MIS18A: variants seen among roughly 807,000 people sequenced by gnomAD.
MIS18A encodes the protein MIS18 kinetochore protein A, also known as protein Mis18-alpha.
MIS18A carries 14 observed loss-of-function variants against 25.0 expected under a neutral mutation model. The ratio of observed to expected loss-of-function variants is 0.56; its 90% CI spans 0.37 to 0.88. The LOEUF (loss-of-function observed/expected upper bound fraction) is 0.88, where lower values mean the gene tolerates loss of function less well. MIS18A is among the 40% of genes least tolerant of loss of function. MIS18A has a pLI of 0.00. For missense variants in MIS18A, 292 were observed against 290.8 expected (o/e 1.00, Z -0.03); for synonymous variants, 134 against 118.6 (o/e 1.13, Z -0.84).
the MIS18A span, among the ~76,000 whole-genome samples, chr21:32,190,784 T>G: frequency 6.6e-6 from 1 of 152,146 alleles, no homozygotes; most frequent in Non-Finnish European, 1.5e-5. Flanking sequence ...GAGAATAGTT[T>G]TCAGTAATCT....
At chr21:32,253,920 A>G in the MIS18A span, among the ~76,000 whole-genome samples, 3 of 151,672 alleles carry the variant, frequency 2.0e-5, no homozygotes, top group African/African-American at 7.3e-5. Context: ...CAGCATTTTG[A>G]AAAAAAAATC....
chr21:32,183,528 C>G, the MIS18A span, among the ~76,000 whole-genome samples: 1,028 of 152,324 alleles, frequency 6.7e-3, 8 homozygotes, highest in Middle Eastern at 0.034. Context: ...GTCCTCTCAT[C>G]TGAGTGAGAA....
chr21:32,242,019 C>G, the MIS18A span, among the ~76,000 whole-genome samples: 1 of 152,230 alleles, frequency 6.6e-6, no homozygotes, highest in Non-Finnish European at 1.5e-5. Flanking sequence ...GCTGGGACTA[C>G]AGGCGCCCGC....
At chr21:32,170,169 C>A in the MIS18A span, among the ~76,000 whole-genome samples, 7 of 151,858 alleles carry the variant, frequency 4.6e-5, no homozygotes, top group Non-Finnish European at 8.8e-5. Flanking sequence ...GGGTATATAC[C>A]CAAAGAAAAA....
the MIS18A span, among the ~76,000 whole-genome samples, chr21:32,173,600 G>T: frequency 3.3e-5 from 5 of 152,186 alleles, no homozygotes. Flanking sequence ...TCTGGAATGT[G>T]ATTTGGCAGT....
At chr21:32,179,931 G>C in the MIS18A span, among the ~76,000 whole-genome samples, 1 of 152,158 alleles carries the variant, frequency 6.6e-6, no homozygotes, top group South Asian at 2.1e-4. Flanking sequence ...AATTTCCAAG[G>C]TTAGTCCTTA....
chr21:32,156,103 TA>T, the MIS18A span, among the ~76,000 whole-genome samples: 1 of 152,246 alleles, frequency 6.6e-6, no homozygotes, highest in Non-Finnish European at 1.5e-5. Flanking sequence ...GACCCTTTTT[TA>T]ACCAGAGCAG....
At chr21:32,164,752 A>T in the MIS18A span, among the ~76,000 whole-genome samples, 1 of 152,034 alleles carries the variant, frequency 6.6e-6, no homozygotes, top group African/African-American at 2.4e-5. Flanking sequence ...AATTATAGAG[A>T]CATCCAGCAC....
the MIS18A span, among the ~76,000 whole-genome samples, chr21:32,254,890 A>G: frequency 6.6e-6 from 1 of 152,252 alleles, no homozygotes; most frequent in Non-Finnish European, 1.5e-5. Context: ...GTAGTACAAA[A>G]AAGTCTAGAA....
At chr21:32,219,178 G>A in the MIS18A span, among the ~76,000 whole-genome samples, 1 of 152,120 alleles carries the variant, frequency 6.6e-6, no homozygotes, top group Non-Finnish European at 1.5e-5. Context: ...CATTATTCGG[G>A]GGCTAGCAAG....
the MIS18A span, among the ~76,000 whole-genome samples, chr21:32,201,881 C>T: frequency 6.6e-6 from 1 of 151,972 alleles, no homozygotes; most frequent in Admixed American, 6.6e-5. Context: ...AGGAAATGTC[C>T]TTTCAACTTT....
chr21:32,219,671 G>A, the MIS18A span, among the ~76,000 whole-genome samples: 10 of 152,260 alleles, frequency 6.6e-5, no homozygotes, highest in South Asian at 4.1e-4. Context: ...GGAGCTAAGC[G>A]GTCTTTCCCA....
At chr21:32,211,143 C>A in the MIS18A span, among the ~76,000 whole-genome samples, 1 of 152,162 alleles carries the variant, frequency 6.6e-6, no homozygotes, top group Non-Finnish European at 1.5e-5. Flanking sequence ...CGGGTTCAAG[C>A]AATTCTCCTG....
chr21:32,178,416 T>C, the MIS18A span, among the ~76,000 whole-genome samples: 2 of 152,174 alleles, frequency 1.3e-5, no homozygotes, highest in African/African-American at 4.8e-5. Context: ...CTATTTTTTC[T>C]TGCATTTCAG....
At chr21:32,204,351 G>T in the MIS18A span, among the ~76,000 whole-genome samples, 4 of 152,004 alleles carry the variant, frequency 2.6e-5, no homozygotes, top group Non-Finnish European at 5.9e-5. Context: ...ACAAAAATTA[G>T]CCAGGCACCG....
At chr21:32,271,695 T>C (rs2031717107) in intron 2 of MIS18A, among the ~76,000 whole-genome samples, 1 of 152,168 alleles carries the variant, frequency 6.6e-6, no homozygotes, top group Non-Finnish European at 1.5e-5. Flanking sequence ...ATCCTCCACC[T>C]TGGCCTCCCA....
the MIS18A span, among the ~76,000 whole-genome samples, chr21:32,155,522 T>C: frequency 6.6e-6 from 1 of 152,192 alleles, no homozygotes; most frequent in Non-Finnish European, 1.5e-5. Context: ...ATAACAGTTA[T>C]AGTTTGACAG....
At chr21:32,242,233 A>G in the MIS18A span, among the ~76,000 whole-genome samples, 1 of 152,228 alleles carries the variant, frequency 6.6e-6, no homozygotes, top group Non-Finnish European at 1.5e-5. Flanking sequence ...GAATTTTCCA[A>G]TATAAACCTG....
At chr21:32,272,085 T>C (rs1025250124) in intron 2 of MIS18A, among the ~76,000 whole-genome samples, 1 of 152,192 alleles carries the variant, frequency 6.6e-6, no homozygotes, top group African/African-American at 2.4e-5. Flanking sequence ...TGGTAGCTAG[T>C]ATTAAGGCAG....
Sources: allele counts gnomAD v4.1 joint callset (sites outside exome capture counted in the v4.1 genomes callset), GRCh38; gene constraint gnomAD v4.1.1; transcripts MANE v1.5; gene names NCBI Gene and HGNC (gene_info 2026-07-23, HGNC 2026-07-21).